The following FAM110B variants were observed in gnomAD, a reference collection of about 807,000 sequenced individuals.
FAM110B encodes the protein protein FAM110B.
A neutral mutation model predicts 20.4 loss-of-function variants in FAM110B; 6 were observed. The ratio of observed to expected loss-of-function variants is 0.29; its 90% CI spans 0.16 to 0.58. FAM110B has a LOEUF of 0.58. Ranked by LOEUF, FAM110B falls within the 20% of genes least tolerant of loss-of-function variation. The pLI, the probability that FAM110B is intolerant of heterozygous loss-of-function variation, is 0.90. For missense variants in FAM110B, 434 were observed against 498.2 expected (o/e 0.87, Z 1.23); for synonymous variants, 226 against 214.1 (o/e 1.06, Z -0.49).
Position 58,147,450 on chromosome 8 carries a change from G to A in FAM110B, c.*107G>A, listed in dbSNP as rs1585926562. The A allele has an allele frequency of 7.4e-7, 1 of 1,343,324 alleles. No individual in the cohort carries two copies. Among genetic ancestry groups the A allele is most frequent in the Middle Eastern group, 2.6e-4 (1 of 3,824 alleles). 83.2% of individuals were successfully genotyped at this position (1,343,324 alleles called of 1,614,324 possible). On this transcript the variant is annotated 3_prime_UTR_variant, in exon 4 of 4. Coordinates refer to ENST00000519262, the MANE Select transcript of FAM110B (RefSeq NM_001377989.1). ...AGCTTCTCCACTCTTTGTGTTGCTT[G>A]TTGTGCAATGTTTTCAAGTTGCATG...
intron 2 of FAM110B, among the ~76,000 whole-genome samples, chr8:58,075,266 T>TG (rs60408288): frequency 0.049 from 7,134 of 144,532 alleles, 256 homozygotes; most frequent in African/African-American, 0.1. Context: ...TTTTTGCTTT[T>TG]TTTTTTTTTT....
intron 3 of FAM110B, among the ~76,000 whole-genome samples, chr8:58,125,342 A>G (rs1437914805): frequency 2.0e-5 from 3 of 152,192 alleles, no homozygotes; most frequent in African/African-American, 7.2e-5. Flanking sequence ...AGAAAGAAAA[A>G]AAAAGAAAGT....
chr8:58,130,224 C>T lies in FAM110B; in HGVS notation c.-324-15683C>T, dbSNP rs201672617. On this transcript the variant is annotated intron_variant, in intron 3 of 3. Transcript: ENST00000519262. ...CAGTTTGAATTGTTCAAAAATTCTT[C>T]CTTCTGTTAATCTGCAAATTGCCTT... 5.9e-5 allele frequency among the ~76,000 whole-genome samples: 9 copies of T among 152,304 alleles called. No homozygotes were observed. The East Asian group carries it at 1.2e-3, about 20-fold the overall frequency.
chr8:58,066,821 C>G (rs148130067), intron 2 of FAM110B, among the ~76,000 whole-genome samples: 2 of 152,078 alleles, frequency 1.3e-5, no homozygotes, highest in Non-Finnish European at 2.9e-5. Context: ...AGCACTCAGC[C>G]CTCCAAGCTG....
At chr8:58,005,689 A>G (rs1768765711) in intron 1 of FAM110B, among the ~76,000 whole-genome samples, 1 of 152,144 alleles carries the variant, frequency 6.6e-6, no homozygotes, top group African/African-American at 2.4e-5. Context: ...GGAGATGACT[A>G]TTACAGCCGT....
intron 2 of FAM110B, among the ~76,000 whole-genome samples, chr8:58,043,727 G>T (rs1447727301): frequency 6.6e-6 from 1 of 152,092 alleles, no homozygotes; most frequent in Non-Finnish European, 1.5e-5. Flanking sequence ...TACATAGTTT[G>T]CTATTGCCAG....
Position 58,146,199 on chromosome 8 carries a change from C to A in FAM110B, c.-32C>A. 1.3e-6 allele frequency: 2 copies of A among 1,563,376 alleles called. No homozygotes were observed. Among genetic ancestry groups the A allele is most frequent in the Non-Finnish European group, 1.7e-6 (2 of 1,152,886 alleles). On this transcript the variant is annotated 5_prime_UTR_variant, in exon 4 of 4. Transcript: ENST00000519262. ...CTTGCGGAGGCGCCCAGAAGAGCAT[C>A]CAACACGGCTGCCGGGGAAAGACCG...
chr8:58,133,890 C>CT (rs911619955), intron 3 of FAM110B, among the ~76,000 whole-genome samples: 1 of 152,238 alleles, frequency 6.6e-6, no homozygotes, highest in Admixed American at 6.5e-5. Flanking sequence ...GGTGGATGAA[C>CT]TTATTAGTCA....
chr8:58,118,442 G>A (rs930152554), intron 3 of FAM110B, among the ~76,000 whole-genome samples: 2 of 152,286 alleles, frequency 1.3e-5, no homozygotes, highest in Admixed American at 1.3e-4. Context: ...AGGGGGTAGG[G>A]GAGACCAAAT....
At chr8:58,031,213 T>C (rs1804955692) in intron 1 of FAM110B, 1 of 152,210 alleles carries the variant, frequency 6.6e-6, no homozygotes, top group African/African-American at 2.4e-5. Flanking sequence ...AGTGTAGCTG[T>C]TTTCCTAGCC....
At chr8:58,010,998 G>A (rs577154061) in intron 1 of FAM110B, among the ~76,000 whole-genome samples, 1 of 152,260 alleles carries the variant, frequency 6.6e-6, no homozygotes, top group African/African-American at 2.4e-5. Flanking sequence ...ATTTCTCAAA[G>A]AACATCTAGC....
In FAM110B at chr8:58,010,165, C is replaced by T. The variant is rs576774610; in HGVS notation, c.-512+15359C>T. 2.6e-5 allele frequency among the ~76,000 whole-genome samples: 4 copies of T among 151,768 alleles called. No individual in the cohort carries two copies. In the East Asian group the frequency reaches 5.8e-4, roughly 22 times the overall value. ...CCGAGTAGCTGGGATTACAGATGCG[C>T]AACATGACGCCCTGCTAGTTTTTTT... is the stretch of plus-strand genomic sequence containing the variant. On this transcript the variant is annotated intron_variant, in intron 1 of 3. Transcript: ENST00000519262.
chr8:58,122,952 C>T (rs770957477), intron 3 of FAM110B, among the ~76,000 whole-genome samples: 18 of 152,184 alleles, frequency 1.2e-4, no homozygotes, highest in Non-Finnish European at 1.5e-5. Context: ...CTAACTTCAG[C>T]AGGCGTCTCC....
chr8:58,088,978 G>A (rs1481414961), intron 3 of FAM110B, among the ~76,000 whole-genome samples: 1 of 152,110 alleles, frequency 6.6e-6, no homozygotes, highest in Non-Finnish European at 1.5e-5. Context: ...TATTCCTTTA[G>A]CAGTGGTAAA....
At chr8:58,105,556 A>AT (rs71557704) in intron 3 of FAM110B, among the ~76,000 whole-genome samples, 7,180 of 94,574 alleles carry the variant, frequency 0.076, 1,343 homozygotes, top group African/African-American at 0.16. Flanking sequence ...GAATGAATGA[A>AT]TTTTTTTTTT....
intron 1 of FAM110B, among the ~76,000 whole-genome samples, chr8:58,001,388 G>A (rs1166483028): frequency 2.0e-5 from 3 of 152,150 alleles, no homozygotes; most frequent in African/African-American, 7.2e-5. Flanking sequence ...GTGTGTGTGT[G>A]TGTGAGAAAG....
chr8:58,112,429 T>A (rs190260666), intron 3 of FAM110B, among the ~76,000 whole-genome samples: 69 of 152,384 alleles, frequency 4.5e-4, no homozygotes, highest in Non-Finnish European at 8.8e-4. Flanking sequence ...AAAAATCATG[T>A]ACAGCCCCTT....
chr8:58,112,523 C>T (rs757569397), intron 3 of FAM110B, among the ~76,000 whole-genome samples: 74 of 152,348 alleles, frequency 4.9e-4, no homozygotes, highest in Middle Eastern at 6.8e-3. Context: ...AACCCCCACT[C>T]ATCCTGTAGC....
intron 3 of FAM110B, among the ~76,000 whole-genome samples, chr8:58,116,002 C>G (rs897885648): frequency 2.6e-5 from 4 of 152,174 alleles, no homozygotes; most frequent in African/African-American, 7.2e-5. Flanking sequence ...TTTGTAAACT[C>G]TGTGTACCAG....
Sources: allele counts gnomAD v4.1 joint callset (sites outside exome capture counted in the v4.1 genomes callset), GRCh38; gene constraint gnomAD v4.1.1; transcripts MANE v1.5; gene names NCBI Gene and HGNC (gene_info 2026-07-23, HGNC 2026-07-21).